DLGAP1: variants seen among roughly 807,000 people sequenced by gnomAD.
DLGAP1 encodes disks large-associated protein 1.
A neutral mutation model predicts 90.8 loss-of-function variants in DLGAP1; 11 were observed. The observed-to-expected ratio is 0.12, with a 90% CI of 0.08 to 0.20. DLGAP1 has a LOEUF of 0.20. DLGAP1 is among the 10% of genes least tolerant of loss of function. The pLI is 1.00. For missense variants in DLGAP1, 1,050 were observed against 1,333.8 expected (o/e 0.79, Z 3.31); for synonymous variants, 558 against 540.7 (o/e 1.03, Z -0.44).
intron 1 of DLGAP1, among the ~76,000 whole-genome samples, chr18:4,154,809 CTCAT>C (rs777980749): frequency 1.3e-5 from 2 of 152,176 alleles, no homozygotes; most frequent in Non-Finnish European, 2.9e-5. Context: ...CATTCATTCT[CTCAT>C]TCATTCATTC....
chr18:3,980,352 C>A (rs901674329), intron 3 of DLGAP1, among the ~76,000 whole-genome samples: 3 of 151,992 alleles, frequency 2.0e-5, no homozygotes, highest in Non-Finnish European at 4.4e-5. Flanking sequence ...CAAACTGGAG[C>A]ATAGAGGAAG....
At chr18:4,237,596 C>T (rs2078445799) in intron 1 of DLGAP1, among the ~76,000 whole-genome samples, 1 of 152,012 alleles carries the variant, frequency 6.6e-6, no homozygotes, top group African/African-American at 2.4e-5. Flanking sequence ...TTGTTAGTTT[C>T]CTCAAGATCC....
In DLGAP1 at chr18:4,067,948, T is replaced by C. The variant is rs193008543; in HGVS notation, c.-158-62747A>G. Reference sequence around the variant, plus strand: ...TCTTAGGACCTCTTGAGACTGTGCCTTGGGCCCTGGTCACTCATATTTGGC... The same window carrying C: ...TCTTAGGACCTCTTGAGACTGTGCCCTGGGCCCTGGTCACTCATATTTGGC... On this transcript the variant is annotated intron_variant, in intron 2 of 12. Coordinates refer to ENST00000315677, the MANE Select transcript of DLGAP1 (RefSeq NM_004746.4). 2.8e-4 allele frequency among the ~76,000 whole-genome samples: 43 copies of C among 152,228 alleles called. 1 individual carries two copies. The highest frequency in any genetic ancestry group is 2.1e-3 in the Admixed American group (32 of 15,260).
At chr18:4,115,390 T>C (rs2076044427) in intron 2 of DLGAP1, among the ~76,000 whole-genome samples, 1 of 152,180 alleles carries the variant, frequency 6.6e-6, no homozygotes, top group African/African-American at 2.4e-5. Context: ...TACGTATTTA[T>C]ATAGTTTGCT....
At chr18:3,839,540 TG>T (rs1244073268) in intron 4 of DLGAP1, among the ~76,000 whole-genome samples, 13 of 152,042 alleles carry the variant, frequency 8.6e-5, no homozygotes, top group African/African-American at 3.1e-4. Context: ...AGTACAGAAG[TG>T]GGAACAGAAA....
chr18:3,652,143 G>A (rs375428065), intron 7 of DLGAP1, among the ~76,000 whole-genome samples: 2 of 139,258 alleles, frequency 1.4e-5, no homozygotes, highest in Admixed American at 1.5e-4. Context: ...CAGCCTGGGC[G>A]ACAGAGCGAG....
Position 4,380,929 on chromosome 18 carries a change from C to T in DLGAP1, c.-267+74077G>A, listed in dbSNP as rs542345759. Among the ~76,000 whole-genome samples, 12 of 152,252 alleles carry T rather than the reference C, an allele frequency of 7.9e-5. No homozygotes were observed. The South Asian group carries it at 2.3e-3, about 29-fold the overall frequency. ...TACATGTGACTTCCCTCCCTATTGA[C>T]CTGATTAAAGCAGATGTATTACAGT... On this transcript the variant is annotated intron_variant, in intron 1 of 12. Coordinates refer to ENST00000315677, the MANE Select transcript of DLGAP1 (RefSeq NM_004746.4).
At chr18:3,635,173 C>T (rs1236330798) in intron 7 of DLGAP1, among the ~76,000 whole-genome samples, 2 of 151,340 alleles carry the variant, frequency 1.3e-5, no homozygotes, top group Non-Finnish European at 2.9e-5. Flanking sequence ...CTCTTTCACC[C>T]AGGCTGGAGT....
At chr18:3,954,524 G>A (rs1413811714) in intron 3 of DLGAP1, among the ~76,000 whole-genome samples, 1 of 152,204 alleles carries the variant, frequency 6.6e-6, no homozygotes, top group Non-Finnish European at 1.5e-5. Context: ...ACAAGAAGGT[G>A]TCAGTCACAC....
intron 3 of DLGAP1, among the ~76,000 whole-genome samples, chr18:3,918,598 T>C (rs780183462): frequency 6.6e-6 from 1 of 152,190 alleles, no homozygotes; most frequent in African/African-American, 2.4e-5. Context: ...TTAAATATGT[T>C]TCTGGAGATT....
chr18:3,521,582 T>G (rs190012136), intron 10 of DLGAP1, among the ~76,000 whole-genome samples: 1 of 152,326 alleles, frequency 6.6e-6, no homozygotes, highest in Non-Finnish European at 1.5e-5. Context: ...TCCTCATCCT[T>G]ATGATTCAGC....
intron 1 of DLGAP1, among the ~76,000 whole-genome samples, chr18:4,421,509 G>A (rs12605705): frequency 0.16 from 24,717 of 151,996 alleles, 2,498 homozygotes; most frequent in Admixed American, 0.25. Flanking sequence ...ATGTCTTTTA[G>A]GGGATTACTA....
intron 1 of DLGAP1, among the ~76,000 whole-genome samples, chr18:4,417,010 T>C (rs776484319): frequency 5.3e-5 from 8 of 152,222 alleles, no homozygotes; most frequent in Admixed American, 3.9e-4. Flanking sequence ...TTATTCCTTA[T>C]TGCAGTCATT....
chr18:4,360,970 G>A (rs2081618708), intron 1 of DLGAP1, among the ~76,000 whole-genome samples: 1 of 151,932 alleles, frequency 6.6e-6, no homozygotes, highest in Non-Finnish European at 1.5e-5. Context: ...AAAAAAAAGT[G>A]TGTTTATACT....
intron 3 of DLGAP1, among the ~76,000 whole-genome samples, chr18:3,993,659 G>A (rs922922551): frequency 6.6e-6 from 1 of 152,266 alleles, no homozygotes; most frequent in African/African-American, 2.4e-5. Flanking sequence ...TTAACCAAAC[G>A]TGGTCCAGAC....
At chr18:4,398,431 G>A (rs138286024) in intron 1 of DLGAP1, among the ~76,000 whole-genome samples, 5 of 152,262 alleles carry the variant, frequency 3.3e-5, no homozygotes, top group Non-Finnish European at 5.9e-5. Context: ...TACAGTTAGC[G>A]GATATGCTAT....
At chr18:3,652,877 C>T (rs1342841614) in intron 7 of DLGAP1, among the ~76,000 whole-genome samples, 3 of 152,256 alleles carry the variant, frequency 2.0e-5, no homozygotes, top group African/African-American at 4.8e-5. Flanking sequence ...CCTGCCACCA[C>T]GGCTGGCTCA....
chr18:3,753,827 T>C (rs79913429), intron 5 of DLGAP1, among the ~76,000 whole-genome samples: 2,954 of 152,312 alleles, frequency 0.019, 51 homozygotes, highest in Middle Eastern at 0.082. Context: ...CACTAAACTA[T>C]GCTAATTTCA....
At chr18:3,973,686 A>C (rs1326121470) in intron 3 of DLGAP1, among the ~76,000 whole-genome samples, 2 of 152,114 alleles carry the variant, frequency 1.3e-5, no homozygotes, top group Non-Finnish European at 2.9e-5. Context: ...ATTTTAGATA[A>C]TTTTATTCTT....
Sources: allele counts gnomAD v4.1 joint callset (sites outside exome capture counted in the v4.1 genomes callset), GRCh38; gene constraint gnomAD v4.1.1; transcripts MANE v1.5; gene names NCBI Gene and HGNC (gene_info 2026-07-23, HGNC 2026-07-21).